Variants in AGBL1 observed in about 807,000 individuals in gnomAD.
The protein encoded by AGBL1 is cytosolic carboxypeptidase 4.
A neutral mutation model predicts 118.9 loss-of-function variants in AGBL1; 130 were observed. The observed-to-expected ratio is 1.09, with a 90% CI of 0.95 to 1.26. AGBL1 has a LOEUF of 1.26. Among genes scored for constraint, AGBL1 ranks in the 50% most tolerant of loss-of-function variants. AGBL1 has a pLI of 0.00. For missense variants in AGBL1, 1,584 were observed against 1,298.1 expected (o/e 1.22, Z -3.38); for synonymous variants, 555 against 478.9 (o/e 1.16, Z -2.08).
intron 9 of AGBL1, among the ~76,000 whole-genome samples, chr15:86,260,407 A>C (rs896757103): frequency 2.6e-5 from 4 of 152,168 alleles, no homozygotes; most frequent in African/African-American, 9.6e-5. Flanking sequence ...TTTGATTGAA[A>C]ACTGCCAAGG....
At chr15:86,944,162 G>A (rs2080788751) in intron 23 of AGBL1, among the ~76,000 whole-genome samples, 1 of 152,110 alleles carries the variant, frequency 6.6e-6, no homozygotes, top group African/African-American at 2.4e-5. Context: ...CCTGAGGTCA[G>A]GAGTTCGAGA....
chr15:86,089,897 A>T (rs867098618), intron 1 of AGBL1, among the ~76,000 whole-genome samples: 3 of 152,214 alleles, frequency 2.0e-5, no homozygotes, highest in Non-Finnish European at 2.9e-5. Context: ...AAAGGAAAAA[A>T]AATGCCCCAA....
chr15:86,231,721 G>A (rs532607800), intron 6 of AGBL1, among the ~76,000 whole-genome samples: 4 of 152,310 alleles, frequency 2.6e-5, no homozygotes, highest in Admixed American at 6.5e-5. Context: ...AACTCACATC[G>A]TTAGTGGGCT....
At chr15:86,492,780 A>G (rs931423807) in intron 18 of AGBL1, among the ~76,000 whole-genome samples, 1 of 152,102 alleles carries the variant, frequency 6.6e-6, no homozygotes, top group African/African-American at 2.4e-5. Flanking sequence ...AGGGAAAGGC[A>G]ATTTCAAGGT....
intron 22 of AGBL1, among the ~76,000 whole-genome samples, chr15:86,763,951 T>C (rs1333574073): frequency 2.0e-5 from 3 of 152,008 alleles, no homozygotes; most frequent in Non-Finnish European, 4.4e-5. Context: ...GATACAGAGA[T>C]AGAATAGGAT....
chr15:86,896,754 T>G (rs970456514), intron 22 of AGBL1, among the ~76,000 whole-genome samples: 3 of 152,198 alleles, frequency 2.0e-5, no homozygotes, highest in African/African-American at 7.2e-5. Context: ...ACCTTTCCAT[T>G]GACAAGATTG....
chr15:86,632,671 G>T (rs1484006900), intron 21 of AGBL1, among the ~76,000 whole-genome samples: 14 of 144,598 alleles, frequency 9.7e-5, no homozygotes, highest in Non-Finnish European at 1.5e-4. Flanking sequence ...TTCCTTCTCT[G>T]TGAGCTCAAA....
At chr15:86,607,491 C>A (rs562725585) in intron 21 of AGBL1, among the ~76,000 whole-genome samples, 1 of 152,232 alleles carries the variant, frequency 6.6e-6, no homozygotes, top group African/African-American at 2.4e-5. Context: ...TTGTAGGAAA[C>A]CACCAAACTG....
At chr15:86,657,140 T>C (rs1355683744) in intron 21 of AGBL1, among the ~76,000 whole-genome samples, 1 of 152,174 alleles carries the variant, frequency 6.6e-6, no homozygotes, top group Non-Finnish European at 1.5e-5. Flanking sequence ...ATGCTCACTG[T>C]CTACCATGCC....
rs531141144 is a variant in AGBL1, at chr15:86,290,268, T to A, written c.2221-4987T>A. On this transcript the variant is annotated intron_variant, in intron 16 of 22. Transcript: ENST00000614907. ...TGTAAGCTTGTTTAACTGGGTTTTA[T>A]TTTAGTCTTTTTATATTGCTTTTCT... Among the ~76,000 whole-genome samples, 10 of 152,080 alleles carry A rather than the reference T, an allele frequency of 6.6e-5. No homozygotes were observed. The South Asian group carries it at 2.1e-3, about 32-fold the overall frequency.
intron 22 of AGBL1, among the ~76,000 whole-genome samples, chr15:86,899,498 T>A (rs1169196615): frequency 6.6e-6 from 1 of 152,214 alleles, no homozygotes. Context: ...AGTTTACCTA[T>A]GTAACAAGCC....
Position 86,420,162 on chromosome 15 carries a change from C to G in AGBL1, c.2555+22616C>G, listed in dbSNP as rs559224326. ...AAGTGGGTCCCTGACTTGTGTGCCT[C>G]CTGACAGGGAGACATCTCCTAGCAG... is the stretch of plus-strand genomic sequence containing the variant. On this transcript the variant is annotated intron_variant, in intron 18 of 22. Transcript: ENST00000614907. 2.6e-5 allele frequency among the ~76,000 whole-genome samples: 4 copies of G among 152,298 alleles called. No homozygotes were observed. In the East Asian group the frequency reaches 7.7e-4, roughly 29 times the overall value.
chr15:86,797,115 C>T (rs186426512), intron 22 of AGBL1, among the ~76,000 whole-genome samples: 72 of 152,312 alleles, frequency 4.7e-4, no homozygotes, highest in African/African-American at 1.6e-3. Context: ...CTTGCAGGAC[C>T]TCTGAAGATT....
At chr15:86,458,797 T>C (rs1469286487) in intron 18 of AGBL1, among the ~76,000 whole-genome samples, 3 of 152,156 alleles carry the variant, frequency 2.0e-5, no homozygotes, top group Non-Finnish European at 2.9e-5. Flanking sequence ...TTGGGTTTAT[T>C]GCAAGGCTAT....
intron 18 of AGBL1, among the ~76,000 whole-genome samples, chr15:86,439,048 G>C (rs73455655): frequency 3.9e-5 from 6 of 152,018 alleles, no homozygotes; most frequent in African/African-American, 7.2e-5. Flanking sequence ...TCTTGTTTGC[G>C]GGTGGCAAAC....
intron 18 of AGBL1, among the ~76,000 whole-genome samples, chr15:86,423,895 A>G (rs1277421658): frequency 6.6e-6 from 1 of 152,230 alleles, no homozygotes; most frequent in South Asian, 2.1e-4. Flanking sequence ...ATATAAACAA[A>G]TGGAAAAACA....
At chr15:86,845,289 G>A (rs1230611502) in intron 22 of AGBL1, among the ~76,000 whole-genome samples, 6 of 152,046 alleles carry the variant, frequency 3.9e-5, no homozygotes, top group Admixed American at 3.3e-4. Flanking sequence ...GAATAAGGGT[G>A]GTTAATTTTG....
At chr15:86,754,922 G>A (rs2077913636) in intron 22 of AGBL1, among the ~76,000 whole-genome samples, 1 of 151,876 alleles carries the variant, frequency 6.6e-6, no homozygotes, top group Admixed American at 6.6e-5. Flanking sequence ...TCCATCCTTT[G>A]CTTTCGATTT....
chr15:86,592,534 G>T (rs553537632), intron 21 of AGBL1, among the ~76,000 whole-genome samples: 3 of 152,218 alleles, frequency 2.0e-5, no homozygotes, highest in Non-Finnish European at 4.4e-5. Context: ...TGCACTGTGC[G>T]CATGCACAGT....
Sources: allele counts gnomAD v4.1 joint callset (sites outside exome capture counted in the v4.1 genomes callset), GRCh38; gene constraint gnomAD v4.1.1; transcripts MANE v1.5; gene names NCBI Gene and HGNC (gene_info 2026-07-23, HGNC 2026-07-21).